The following ZC3H12D variants were observed in gnomAD, a reference collection of about 807,000 sequenced individuals.
ZC3H12D encodes probable ribonuclease ZC3H12D.
In ZC3H12D, 11 loss-of-function variants were observed where a neutral mutation model predicts 24.2. That is an observed-to-expected ratio of 0.46 (90% confidence interval 0.29 to 0.75). ZC3H12D has a LOEUF of 0.75. Ranked by LOEUF, ZC3H12D falls within the 30% of genes least tolerant of loss-of-function variation. The pLI is 0.11. For missense variants in ZC3H12D, 740 were observed against 767.7 expected, an observed-to-expected ratio of 0.96 and a Z score of 0.43; for synonymous variants, 333 against 341.8, an observed-to-expected ratio of 0.97 and a Z score of 0.28.
In ZC3H12D at chr6:149,456,643, G is replaced by A; in HGVS notation, c.680+23C>T. On this transcript the variant is annotated intron_variant, in intron 4 of 5. Transcript: ENST00000409806. The surrounding 1 kb of genome is among the most constrained non-coding windows in gnomAD (Gnocchi z 4.3). ...CCCCCGCCCCGCCGCCCCCCAGGGT[G>A]TCAGGACCCCAGCCGGACCTACCGG... The A allele has an allele frequency of 6.5e-7, 1 of 1,547,950 alleles. No homozygotes were observed. The highest frequency in any genetic ancestry group is 8.9e-7 in the Non-Finnish European group (1 of 1,122,976).
intron 1 of ZC3H12D, among the ~76,000 whole-genome samples, chr6:149,484,166 T>G (rs1440083172): frequency 6.6e-6 from 1 of 152,212 alleles, no homozygotes; most frequent in Non-Finnish European, 1.5e-5. Context: ...CGATTGGCAT[T>G]GCCTGGCCTT....
intron 2 of ZC3H12D, among the ~76,000 whole-genome samples, chr6:149,463,834 G>C (rs184687527): frequency 1.3e-5 from 2 of 152,300 alleles, no homozygotes; most frequent in Admixed American, 1.3e-4. Flanking sequence ...AGAGAAGAAG[G>C]CATCAAAGAT....
intron 3 of ZC3H12D, among the ~76,000 whole-genome samples, chr6:149,460,853 A>G (rs1338727579): frequency 6.6e-6 from 1 of 151,700 alleles, no homozygotes; most frequent in Non-Finnish European, 1.5e-5. Flanking sequence ...GAAAGAAAGA[A>G]ACTAGCTGGG....
chr6:149,451,071 GA>G lies in ZC3H12D; in HGVS notation c.1195del (p.Ser399ProfsTer99). 7.1e-7 allele frequency: 1 copy of G among 1,400,834 alleles called. No individual in the cohort carries two copies. The allele number at this position is 1,400,834 out of a possible 1,614,324, so 86.8% of individuals were successfully genotyped here. ...LSLPSPESQF[S>X]PGDLPPPPGL... Reference sequence around the variant, plus strand: ...GGGCGGAGGCGGGAGGTCGCCCGGGGAGAACTGGCTCTCCGGGCTAGGGAGG... The same window carrying G: ...GGGCGGAGGCGGGAGGTCGCCCGGGGGAACTGGCTCTCCGGGCTAGGGAGG... On this transcript the variant is annotated frameshift_variant, in exon 6 of 6. Transcript: ENST00000409806. LOFTEE classifies it low-confidence loss of function (END_TRUNC).
At position 149,474,472 on chromosome 6, in the gene ZC3H12D, C is replaced by A. The variant is rs1489833292; in HGVS notation, c.72G>T (p.Leu24Phe). 1.3e-6 allele frequency: 2 copies of A among 1,591,030 alleles called. No homozygotes were observed. The highest frequency in any genetic ancestry group is 1.7e-6 in the Non-Finnish European group (2 of 1,163,906). Residue 24 changes from leucine to phenylalanine, a missense_variant, in exon 2 of 6, where the codon TTG becomes TTT. Coordinates refer to ENST00000409806, the MANE Select transcript of ZC3H12D (RefSeq NM_207360.3). ...GYDREDVLRVLGKLGEGALVN... is the reference protein window; with the variant it reads ...GYDREDVLRVFGKLGEGALVN... ...CCAGGGCGCCCTCGCCCAGCTTGCC[C>A]AACACCCGGAGCACATCCTCCCGGT... is the stretch of plus-strand genomic sequence containing the variant.
intron 4 of ZC3H12D, among the ~76,000 whole-genome samples, chr6:149,454,114 G>A (rs2115001779): frequency 6.6e-6 from 1 of 152,270 alleles, no homozygotes; most frequent in African/African-American, 2.4e-5. Flanking sequence ...GCACCCTGGG[G>A]GCACAGGGTC....
rs762009627 is a variant in ZC3H12D, at chr6:149,451,080, C to A, written c.1187G>T (p.Ser396Ile). 2.9e-6 allele frequency: 4 copies of A among 1,396,040 alleles called. No homozygotes were observed. The highest frequency in any genetic ancestry group is 3.7e-6 in the Non-Finnish European group (4 of 1,080,894). The allele number at this position is 1,396,040 out of a possible 1,614,324, so 86.5% of individuals were successfully genotyped here. The change falls in exon 6 of 6, where the codon AGC becomes ATC. Residue 396 changes from serine (S) to isoleucine (I), a missense_variant. By Grantham distance (142) the Ser-to-Ile change is moderately radical (BLOSUM62 -2). Coordinates refer to ENST00000409806, the MANE Select transcript of ZC3H12D (RefSeq NM_207360.3). The part of the protein sequence containing the change: ...PGPLSLPSPE[S>I]QFSPGDLPPP... Reference sequence around the variant, plus strand: ...CGGGAGGTCGCCCGGGGAGAACTGGCTCTCCGGGCTAGGGAGGCTGAGCGG... The same window carrying A: ...CGGGAGGTCGCCCGGGGAGAACTGGATCTCCGGGCTAGGGAGGCTGAGCGG...
intron 1 of ZC3H12D, among the ~76,000 whole-genome samples, chr6:149,475,467 C>G (rs1482009451): frequency 6.6e-6 from 1 of 152,244 alleles, no homozygotes; most frequent in African/African-American, 2.4e-5. Context: ...CCTGTAATCC[C>G]AGCACTCTGG....
Position 149,456,616 on chromosome 6 carries a change from G to A in ZC3H12D, c.680+50C>T. The A allele has an allele frequency of 8.8e-7, 1 of 1,130,408 alleles. No individual in the cohort carries two copies. The highest frequency in any genetic ancestry group is 1.3e-6 in the Non-Finnish European group (1 of 763,262). The allele number at this position is 1,130,408 out of a possible 1,614,324, so 70.0% of individuals were successfully genotyped here. On this transcript the variant is annotated intron_variant, in intron 4 of 5. Transcript: ENST00000409806. The surrounding 1 kb of genome is among the most constrained non-coding windows in gnomAD (Gnocchi z 4.3). ...AGGCGTGGCCACTGCCTCGACCCCG[G>A]CCCCCCGCCCCGCCGCCCCCCAGGG... is the stretch of plus-strand genomic sequence containing the variant.
In ZC3H12D at chr6:149,451,115, C is replaced by T. The variant is rs1481904253; in HGVS notation, c.1152G>A (p.Arg384=). The stretch of plus-strand genomic sequence containing the variant: ...TAGGGAGGCTGAGCGGGCCTGGCAC[C>T]CGGCCGCCCGCGGACACCCAGTCGG... The part of the protein sequence containing the change: ...GGPDWVSAGG[R]VPGPLSLPSP... The change falls in exon 6 of 6, where the codon CGG becomes CGA. Residue 384 remains arginine, a synonymous_variant. Coordinates refer to ENST00000409806, the MANE Select transcript of ZC3H12D (RefSeq NM_207360.3). The T allele has an allele frequency of 7.4e-7, 1 of 1,348,588 alleles. No individual in the cohort carries two copies. The highest frequency in any genetic ancestry group is 1.9e-5 in the South Asian group (1 of 53,080). 83.5% of individuals were successfully genotyped at this position (1,348,588 alleles called of 1,614,324 possible). A position where few individuals can be genotyped will look rare whatever the true frequency, so the allele number is the denominator to read the frequency against.
intron 4 of ZC3H12D, among the ~76,000 whole-genome samples, chr6:149,454,569 G>C (rs557358402): frequency 1.3e-5 from 2 of 152,336 alleles, no homozygotes; most frequent in African/African-American, 4.8e-5. Context: ...TTCCTCTCCT[G>C]CTCTCTCAGG....
Position 149,461,858 on chromosome 6 carries a change from G to A in ZC3H12D, c.418C>T (p.Pro140Ser), listed in dbSNP as rs375212553. Residue 140 changes from proline to serine, a missense_variant, in exon 3 of 6, where the codon CCA becomes TCA. Transcript: ENST00000409806. ...CTGATAGGGGTGTCAGCTCTTGGTG[G>A]GTCCTTCCTCCAGGATGGAACAAAA... The part of the protein sequence containing the change: ...KVFVPSWRKD[P>S]PRADTPIREQ... 2.4e-5 allele frequency: 37 copies of A among 1,571,458 alleles called. No homozygotes were observed. The highest frequency in any genetic ancestry group is 3.2e-5 in the Non-Finnish European group (37 of 1,158,054).
rs748728270 is a variant in ZC3H12D at position 149,459,595 on chromosome 6, C to G, written c.445+2236G>C. On this transcript the variant is annotated intron_variant, in intron 3 of 5. Coordinates refer to ENST00000409806, the MANE Select transcript of ZC3H12D (RefSeq NM_207360.3). Reference sequence around the variant, plus strand: ...AGATGGAGTGGAAGTCGGGCAAAATCGGGATGACTAACAGGTGAGCTGAGC... The same window carrying G: ...AGATGGAGTGGAAGTCGGGCAAAATGGGGATGACTAACAGGTGAGCTGAGC... 4.3e-6 allele frequency: 3 copies of G among 694,622 alleles called. No homozygotes were observed. The South Asian group carries it at 4.5e-5, about 10-fold the overall frequency. The allele number at this position is 694,622 out of a possible 1,614,324, so 43.0% of individuals were successfully genotyped here. A position where few individuals can be genotyped will look rare whatever the true frequency, so the allele number is the denominator to read the frequency against.
At chr6:149,463,738 A>G in intron 2 of ZC3H12D, among the ~76,000 whole-genome samples, 1 of 152,186 alleles carries the variant, frequency 6.6e-6, no homozygotes, top group Admixed American at 6.5e-5. Context: ...GTGGTGGATG[A>G]GGGAGAAGAG....
chr6:149,459,469 A>G lies in ZC3H12D; in HGVS notation c.445+2362T>C, dbSNP rs1359035732. 7.8e-6 allele frequency: 5 copies of G among 642,422 alleles called. No homozygotes were observed. The East Asian group carries it at 8.2e-5, about 11-fold the overall frequency. The allele number at this position is 642,422 out of a possible 1,614,324, so 39.8% of individuals were successfully genotyped here. On this transcript the variant is annotated intron_variant, in intron 3 of 5. Coordinates refer to ENST00000409806, the MANE Select transcript of ZC3H12D (RefSeq NM_207360.3). ...ACAGAAAGCAGAGAGGATTGTATTG[A>G]TTGTGCAGCATGGAGGGAACCACAG...
chr6:149,458,575 C>T (rs1776026193), intron 3 of ZC3H12D, among the ~76,000 whole-genome samples: 1 of 152,140 alleles, frequency 6.6e-6, no homozygotes, highest in South Asian at 2.1e-4. Context: ...ACTATTAGTC[C>T]TGCATCTAAG....
At chr6:149,462,959 T>C (rs1022517769) in intron 2 of ZC3H12D, among the ~76,000 whole-genome samples, 3 of 152,182 alleles carry the variant, frequency 2.0e-5, no homozygotes, top group African/African-American at 7.2e-5. Flanking sequence ...AGATGGTCTA[T>C]TATGGGACTT....
intron 1 of ZC3H12D, 21 bp from the exon 2 acceptor site, chr6:149,474,634 T>A: frequency 8.1e-7 from 1 of 1,238,222 alleles, no homozygotes; most frequent in Non-Finnish European, 1.1e-6. Flanking sequence ...AAAAAATGCA[T>A]CCATCAGGTG....
chr6:149,475,247 G>A (rs1776317293), intron 1 of ZC3H12D, among the ~76,000 whole-genome samples: 1 of 152,156 alleles, frequency 6.6e-6, no homozygotes, highest in South Asian at 2.1e-4. Flanking sequence ...CAGCTCTCGG[G>A]ACAGGCCAAA....
Sources: gnomAD v4.1 joint callset for allele counts (sites outside exome capture counted in the v4.1 genomes callset) on GRCh38, gnomAD v4.1.1 for gene constraint, Gnocchi (gnomAD v3.1) non-coding constraint, MANE v1.5 for transcripts, NCBI Gene and HGNC (gene_info 2026-07-23, HGNC 2026-07-21) for gene names.